Variants in CFAP206 observed in about 807,000 individuals in gnomAD.
The protein encoded by CFAP206 is cilia and flagella associated protein 206, also known as cilia- and flagella-associated protein 206.
A neutral mutation model predicts 65.4 loss-of-function variants in CFAP206; 53 were observed. The observed-to-expected ratio is 0.81, with a 90% CI of 0.65 to 1.02. The LOEUF is 1.02. Among genes scored for constraint, CFAP206 ranks in the 50% least tolerant of loss-of-function variants. CFAP206 has a pLI of 0.00. For synonymous variants in CFAP206, 250 were observed against 254.4 expected (o/e 0.98, Z 0.17); for missense variants, 663 against 753.2 (o/e 0.88, Z 1.40).
At chr6:87,429,765 ATTTTC>A (rs1768126304) in intron 9 of CFAP206, among the ~76,000 whole-genome samples, 1 of 152,154 alleles carries the variant, frequency 6.6e-6, no homozygotes, top group Non-Finnish European at 1.5e-5. Flanking sequence ...TACTCTATGA[ATTTTC>A]TTTTCAAATT....
intron 8 of CFAP206, among the ~76,000 whole-genome samples, chr6:87,428,424 G>A (rs1210228639): frequency 6.6e-6 from 1 of 151,798 alleles, no homozygotes; most frequent in Non-Finnish European, 1.5e-5. Flanking sequence ...AAAATAAAAT[G>A]CTTTGAAATA....
chr6:87,433,517 G>A (rs1481864210), intron 10 of CFAP206, among the ~76,000 whole-genome samples: 1 of 152,142 alleles, frequency 6.6e-6, no homozygotes, highest in Non-Finnish European at 1.5e-5. Flanking sequence ...TGGAAAAGAT[G>A]TCCCATTTTT....
At chr6:87,414,250 A>G (rs1767787056) in intron 4 of CFAP206, among the ~76,000 whole-genome samples, 1 of 152,212 alleles carries the variant, frequency 6.6e-6, no homozygotes, top group South Asian at 2.1e-4. Flanking sequence ...AAATTATGTA[A>G]CTATTCAAAA....
At position 87,434,892 on chromosome 6, in the gene CFAP206, G is replaced by T; in HGVS notation, c.1333G>T (p.Glu445Ter). ...NPAIGILKYK[E>*]KYYTFNSKDA... Reference sequence around the variant, plus strand: ...AGCAATTGGAATTTTAAAATATAAAGAAAAATATTACACATTCAATAGTAA... The same window carrying T: ...AGCAATTGGAATTTTAAAATATAAATAAAAATATTACACATTCAATAGTAA... The change falls in exon 11 of 13, where the codon GAA becomes TAA. Residue 445 changes from glutamate to a stop codon, truncating the protein, a stop_gained. Transcript: ENST00000369562. LOFTEE classifies it high-confidence loss of function. 1 of 1,441,378 alleles carries T rather than the reference G, an allele frequency of 6.9e-7. No individual in the cohort carries two copies. 89.3% of individuals were successfully genotyped at this position (1,441,378 alleles called of 1,614,324 possible). A position where few individuals can be genotyped will look rare whatever the true frequency, so the allele number is the denominator to read the frequency against.
chr6:87,427,982 CTTTTTTTTT>C (rs10693817), intron 8 of CFAP206, among the ~76,000 whole-genome samples: 3 of 93,920 alleles, frequency 3.2e-5, no homozygotes, highest in African/African-American at 4.5e-5. Context: ...CTCCACCCTC[CTTTTTTTTT>C]TTTTTTTTTT....
intron 11 of CFAP206, among the ~76,000 whole-genome samples, chr6:87,454,390 A>T (rs1253791505): frequency 6.6e-6 from 1 of 152,194 alleles, no homozygotes; most frequent in African/African-American, 2.4e-5. Flanking sequence ...AATTGACCAA[A>T]TACTTACAGT....
intron 7 of CFAP206, among the ~76,000 whole-genome samples, chr6:87,422,262 A>G (rs1767953800): frequency 6.6e-6 from 1 of 151,090 alleles, no homozygotes; most frequent in South Asian, 2.1e-4. Context: ...CAGCCTGGCT[A>G]ACATGGTGAA....
chr6:87,428,891 G>T, intron 9 of CFAP206, 67 bp downstream of exon 9: 1 of 1,415,102 alleles, frequency 7.1e-7, no homozygotes, highest in South Asian at 1.2e-5. Flanking sequence ...TCACTCTTTT[G>T]TTCTAAAAAT....
chr6:87,459,527 A>G (rs1055978906), intron 11 of CFAP206, among the ~76,000 whole-genome samples: 35 of 152,196 alleles, frequency 2.3e-4, no homozygotes, highest in African/African-American at 8.4e-4. Flanking sequence ...TCATTAATCA[A>G]TGAGGGGACC....
intron 8 of CFAP206, among the ~76,000 whole-genome samples, chr6:87,428,089 G>A (rs1365665667): frequency 1.4e-5 from 2 of 147,778 alleles, no homozygotes; most frequent in African/African-American, 5.0e-5. Flanking sequence ...CCGGGTTCAA[G>A]CGATTCTCCT....
chr6:87,410,476 T>A, intron 2 of CFAP206, 109 bp from the exon 3 acceptor site: 1 of 826,704 alleles, frequency 1.2e-6, no homozygotes, highest in Non-Finnish European at 2.0e-6. Context: ...CCCAACGTAA[T>A]CAAGAGGTAG....
intron 11 of CFAP206, among the ~76,000 whole-genome samples, chr6:87,439,331 CA>C (rs1768327985): frequency 6.6e-6 from 1 of 151,950 alleles, no homozygotes; most frequent in Non-Finnish European, 1.5e-5. Context: ...GAGTTTTTGC[CA>C]TTCATGTATG....
chr6:87,410,102 A>C (rs1211144996), intron 2 of CFAP206, among the ~76,000 whole-genome samples, 155 bp downstream of exon 2: 1 of 152,222 alleles, frequency 6.6e-6, no homozygotes, highest in African/African-American at 2.4e-5. Context: ...CATTTTTAAA[A>C]AGTTTATAGA....
At chr6:87,421,094 T>C (rs1055354069) in intron 7 of CFAP206, among the ~76,000 whole-genome samples, 5 of 152,240 alleles carry the variant, frequency 3.3e-5, no homozygotes, top group African/African-American at 1.2e-4. Context: ...ATATTCGTTT[T>C]AAAGTCACAT....
At chr6:87,423,042 T>C (rs1028824267) in intron 7 of CFAP206, among the ~76,000 whole-genome samples, 2 of 151,586 alleles carry the variant, frequency 1.3e-5, no homozygotes, top group African/African-American at 4.8e-5. Flanking sequence ...TCAGCCTTCT[T>C]GGTAGCTGGG....
intron 1 of CFAP206, among the ~76,000 whole-genome samples, 185 bp downstream of exon 1, chr6:87,408,274 G>A (rs1328921353): frequency 6.6e-6 from 1 of 152,246 alleles, no homozygotes; most frequent in Non-Finnish European, 1.5e-5. Context: ...ATTCCTGCCG[G>A]AGGCGCCACC....
chr6:87,409,598 T>A (rs1767693959), intron 1 of CFAP206, among the ~76,000 whole-genome samples: 1 of 152,054 alleles, frequency 6.6e-6, no homozygotes, highest in Admixed American at 6.5e-5. Flanking sequence ...ATTGAAAATG[T>A]TATTTATCAA....
At chr6:87,446,535 A>C (rs1379716832) in intron 11 of CFAP206, among the ~76,000 whole-genome samples, 1 of 152,092 alleles carries the variant, frequency 6.6e-6, no homozygotes, top group Non-Finnish European at 1.5e-5. Flanking sequence ...TGAGTTCTCT[A>C]TTCTGTTCCA....
At chr6:87,437,385 T>C (rs945733994) in intron 11 of CFAP206, among the ~76,000 whole-genome samples, 8 of 152,128 alleles carry the variant, frequency 5.3e-5, no homozygotes, top group Non-Finnish European at 1.0e-4. Flanking sequence ...CGTTTTTTTT[T>C]CCATTTGCTG....
Sources: gnomAD v4.1 joint callset for allele counts (sites outside exome capture counted in the v4.1 genomes callset) on GRCh38, gnomAD v4.1.1 for gene constraint, MANE v1.5 for transcripts, NCBI Gene and HGNC (gene_info 2026-07-23, HGNC 2026-07-21) for gene names.